Variants in PCDH15 observed in about 807,000 individuals in gnomAD.
The protein encoded by PCDH15 is protocadherin related 15, also known as protocadherin-15.
In PCDH15, 129 loss-of-function variants were observed where a neutral mutation model predicts 178.5. The ratio of observed to expected loss-of-function variants is 0.72; its 90% CI spans 0.63 to 0.84. The LOEUF (loss-of-function observed/expected upper bound fraction) is 0.84, where lower values mean the gene tolerates loss of function less well. Among genes scored for constraint, PCDH15 ranks in the 40% least tolerant of loss-of-function variants. PCDH15 has a pLI of 0.00. For missense variants in PCDH15, 2,230 were observed against 2,099.9 expected (o/e 1.06, Z -1.21); for synonymous variants, 800 against 732.0 (o/e 1.09, Z -1.50).
At chr10:53,823,216 T>A (rs2076424784) in intron 32 of PCDH15, 1 of 1,614,084 alleles carries the variant, frequency 6.2e-7, no homozygotes, top group Non-Finnish European at 8.5e-7. Flanking sequence ...AGTTTGTTGC[T>A]CTTAAGTGAT....
At chr10:55,176,407 T>C (rs896523790) in intron 1 of PCDH15, among the ~76,000 whole-genome samples, 13 of 152,256 alleles carry the variant, frequency 8.5e-5, no homozygotes, top group African/African-American at 3.1e-4. Context: ...GAGACTGATA[T>C]TAACTCAAAA....
intron 3 of PCDH15, among the ~76,000 whole-genome samples, chr10:54,466,442 C>G (rs1337435537): frequency 6.6e-6 from 1 of 151,814 alleles, no homozygotes; most frequent in Non-Finnish European, 1.5e-5. Flanking sequence ...TGTATTTTCC[C>G]TAGTGTAGGT....
At chr10:55,624,691 G>A (rs1165359642) in intron 2 of PCDH15, among the ~76,000 whole-genome samples, 1 of 152,114 alleles carries the variant, frequency 6.6e-6, no homozygotes, top group Non-Finnish European at 1.5e-5. Context: ...CAGTGTCAAT[G>A]AACATCACAC....
At chr10:54,452,911 T>C (rs2076570727) in intron 3 of PCDH15, among the ~76,000 whole-genome samples, 1 of 152,130 alleles carries the variant, frequency 6.6e-6, no homozygotes, top group Non-Finnish European at 1.5e-5. Context: ...TCAAAATTCA[T>C]GTCCACCTGG....
At chr10:55,543,386 T>C (rs1447475601) in intron 2 of PCDH15, among the ~76,000 whole-genome samples, 1 of 149,472 alleles carries the variant, frequency 6.7e-6, no homozygotes, top group Non-Finnish European at 1.5e-5. Flanking sequence ...CCTGTATATA[T>C]ATATATGTAT....
Position 53,822,140 on chromosome 10 carries a change from C to T in PCDH15, c.4368-1910G>A, listed in dbSNP as rs371762506. 4.3e-6 allele frequency: 7 copies of T among 1,614,028 alleles called. No homozygotes were observed. The highest frequency in any genetic ancestry group is 4.5e-5 in the East Asian group (2 of 44,874). The stretch of plus-strand genomic sequence containing the variant: ...ACACTGTCGTTGTTGATAGCTGTGT[C>T]ATAGAGGACTTAATTTTCTCGGCAG... On this transcript the variant is annotated intron_variant, in intron 32 of 37. Transcript: ENST00000644397.
At chr10:54,510,464 C>T (rs983529037) in intron 3 of PCDH15, among the ~76,000 whole-genome samples, 12 of 152,100 alleles carry the variant, frequency 7.9e-5, no homozygotes, top group African/African-American at 2.9e-4. Context: ...AGGTGCTAAC[C>T]AAAGAGTAAC....
rs1006634259 is a variant in PCDH15, at chr10:53,843,223, A to G, written c.3807-2727T>C. Among the ~76,000 whole-genome samples the G allele has an allele frequency of 5.3e-5, 8 of 152,262 alleles. No individual in the cohort carries two copies. In the South Asian group the frequency reaches 1.0e-3, roughly 20 times the overall value. On this transcript the variant is annotated intron_variant, in intron 28 of 37. Transcript: ENST00000644397. ...AAAGTATATCTTATGATAAAAAGAG[A>G]TATAGCCTAATCTTAACTGCTTCTG...
At chr10:54,475,043 C>CT (rs1031399239) in intron 3 of PCDH15, among the ~76,000 whole-genome samples, 1 of 151,600 alleles carries the variant, frequency 6.6e-6, no homozygotes, top group Non-Finnish European at 1.5e-5. Context: ...TTCTCCTAAA[C>CT]TTTTTTTTAA....
chr10:54,914,224 T>G (rs528417968), intron 2 of PCDH15, among the ~76,000 whole-genome samples: 79 of 152,148 alleles, frequency 5.2e-4, no homozygotes, highest in African/African-American at 1.9e-3. Flanking sequence ...AGTGATTGGA[T>G]CGGGAGGGCA....
At chr10:54,686,475 T>G (rs2095011258) in intron 1 of PCDH15, among the ~76,000 whole-genome samples, 1 of 152,162 alleles carries the variant, frequency 6.6e-6, no homozygotes, top group Non-Finnish European at 1.5e-5. Context: ...GTCATATCCA[T>G]AAAATCATTG....
At chr10:54,203,596 AAT>A (rs1285272895) in intron 10 of PCDH15, among the ~76,000 whole-genome samples, 2 of 152,182 alleles carry the variant, frequency 1.3e-5, no homozygotes, top group Non-Finnish European at 2.9e-5. Flanking sequence ...CATTCTGAGT[AAT>A]AGTATATTCC....
intron 2 of PCDH15, chr10:54,600,024 A>T (rs1271772378): frequency 7.5e-7 from 1 of 1,342,122 alleles, no homozygotes; most frequent in Non-Finnish European, 1.0e-6. Context: ...AGTCAAAAGC[A>T]GAAGTGGGGA....
At chr10:55,536,529 C>T (rs533512334) in intron 2 of PCDH15, among the ~76,000 whole-genome samples, 1 of 152,208 alleles carries the variant, frequency 6.6e-6, no homozygotes, top group Non-Finnish European at 1.5e-5. Context: ...CTTTCCTCGG[C>T]ATTTTTCTTA....
At chr10:54,869,313 G>C (rs949202898) in intron 3 of PCDH15, among the ~76,000 whole-genome samples, 4 of 152,110 alleles carry the variant, frequency 2.6e-5, no homozygotes, top group Non-Finnish European at 5.9e-5. Flanking sequence ...TATCCTAGAG[G>C]CTTCAGAGTT....
At chr10:53,817,572 A>C (rs560426389) in intron 34 of PCDH15, among the ~76,000 whole-genome samples, 82 of 125,948 alleles carry the variant, frequency 6.5e-4, no homozygotes, top group African/African-American at 2.4e-3. Context: ...CCCAGGCTGG[A>C]GTGCAGTGGC....
At chr10:55,462,311 G>A (rs1839697064) in intron 2 of PCDH15, among the ~76,000 whole-genome samples, 1 of 151,884 alleles carries the variant, frequency 6.6e-6, no homozygotes, top group East Asian at 1.9e-4. Flanking sequence ...ATATCCTTTT[G>A]GTCAAATAAA....
chr10:54,794,146 A>G (rs917162382), intron 1 of PCDH15, among the ~76,000 whole-genome samples: 5 of 147,882 alleles, frequency 3.4e-5, no homozygotes, highest in African/African-American at 1.2e-4. Context: ...TATCTTATAT[A>G]TATCTTAAAG....
chr10:55,427,011 A>G (rs766910068), intron 2 of PCDH15, among the ~76,000 whole-genome samples: 1 of 151,364 alleles, frequency 6.6e-6, no homozygotes, highest in Non-Finnish European at 1.5e-5. Flanking sequence ...TTTTTTTTGG[A>G]AAAGGGAACA....
Sources: gnomAD v4.1 joint callset for allele counts (sites outside exome capture counted in the v4.1 genomes callset) on GRCh38, gnomAD v4.1.1 for gene constraint, MANE v1.5 for transcripts, NCBI Gene and HGNC (gene_info 2026-07-23, HGNC 2026-07-21) for gene names.